The following TFEC variants were observed in gnomAD, a reference collection of about 807,000 sequenced individuals.
TFEC encodes class E basic helix-loop-helix protein 34.
Under a neutral mutation model 41.6 loss-of-function variants are expected in TFEC, and 31 were observed. The ratio of observed to expected loss-of-function variants is 0.74; its 90% CI spans 0.56 to 1.01. TFEC has a LOEUF of 1.01. Among genes scored for constraint, TFEC ranks in the 50% least tolerant of loss-of-function variants. The probability of loss-of-function intolerance (pLI) is 0.00; values close to 1 mark genes in which losing one functional copy is unlikely to be tolerated. For missense variants in TFEC, 402 were observed against 404.1 expected (o/e 0.99, Z 0.04); for synonymous variants, 143 against 140.6 (o/e 1.02, Z -0.12).
At chr7:116,023,571 G>T (rs1051255745) in intron 1 of TFEC, among the ~76,000 whole-genome samples, 1 of 152,090 alleles carries the variant, frequency 6.6e-6, no homozygotes, top group Non-Finnish European at 1.5e-5. Context: ...AAGAACTTAG[G>T]CTTCCCGCTA....
chr7:115,971,207 G>C (rs979237955), intron 3 of TFEC, among the ~76,000 whole-genome samples: 3 of 151,982 alleles, frequency 2.0e-5, no homozygotes, highest in Non-Finnish European at 1.5e-5. Flanking sequence ...CATTGGCTTA[G>C]AAATAGATAT....
intron 1 of TFEC, among the ~76,000 whole-genome samples, chr7:116,004,718 T>G (rs1266557845): frequency 2.0e-5 from 3 of 151,424 alleles, no homozygotes; most frequent in African/African-American, 4.9e-5. Context: ...AAAATTAGAA[T>G]CACACAAATT....
At chr7:115,995,250 T>C (rs1269351570) in intron 1 of TFEC, among the ~76,000 whole-genome samples, 1 of 151,118 alleles carries the variant, frequency 6.6e-6, no homozygotes, top group Non-Finnish European at 1.5e-5. Context: ...ATGTAAATGA[T>C]GAGTTAATGG....
At chr7:115,975,362 T>A (rs1169802646) in intron 2 of TFEC, among the ~76,000 whole-genome samples, 1 of 152,120 alleles carries the variant, frequency 6.6e-6, no homozygotes, top group Admixed American at 6.6e-5. Flanking sequence ...GAATTTCCCA[T>A]GATATATGCA....
chr7:116,047,099 G>A (rs1796183591), intron 3 of TFEC, among the ~76,000 whole-genome samples: 1 of 152,184 alleles, frequency 6.6e-6, no homozygotes, highest in South Asian at 2.1e-4. Flanking sequence ...CCCAGTGTGA[G>A]CGACGCAGAA....
At chr7:115,961,861 T>C (rs1011367208) in intron 3 of TFEC, among the ~76,000 whole-genome samples, 1 of 151,648 alleles carries the variant, frequency 6.6e-6, no homozygotes. Context: ...TGGAAAGGAA[T>C]AAATGAAATG....
intron 6 of TFEC, among the ~76,000 whole-genome samples, chr7:115,942,953 C>A (rs114334735): frequency 6.6e-6 from 1 of 151,880 alleles, no homozygotes; most frequent in African/African-American, 2.4e-5. Flanking sequence ...TTTAGAGTCA[C>A]GAGATGTTTT....
Position 115,938,946 on chromosome 7 carries a change from T to C in TFEC, c.*1605A>G, listed in dbSNP as rs1461866543. ...CTTTCTAATTAAAGTCCTATAAAGA[T>C]ACTTCCCCTATTATTCTCACTTTTA... On this transcript the variant is annotated 3_prime_UTR_variant, in exon 8 of 8. Coordinates refer to ENST00000265440, the MANE Select transcript of TFEC (RefSeq NM_012252.4). 2 of 151,990 alleles carry C rather than the reference T, an allele frequency of 1.3e-5. No homozygotes were observed. The highest frequency in any genetic ancestry group is 2.9e-5 in the Non-Finnish European group (2 of 67,938). 9.4% of individuals were successfully genotyped at this position (151,990 alleles called of 1,614,324 possible).
At chr7:116,052,966 G>A (rs142041932) in intron 3 of TFEC, among the ~76,000 whole-genome samples, 2,864 of 152,020 alleles carry the variant, frequency 0.019, 88 homozygotes, top group African/African-American at 0.065. Flanking sequence ...CAGCTACTCG[G>A]GAGGCTGAGG....
intron 1 of TFEC, among the ~76,000 whole-genome samples, chr7:115,998,484 A>T (rs531747751): frequency 1.3e-5 from 2 of 152,132 alleles, no homozygotes; most frequent in South Asian, 4.1e-4. Context: ...TATTAATAAT[A>T]ACATTGAATG....
chr7:115,964,808 T>G (rs750298947), intron 3 of TFEC, among the ~76,000 whole-genome samples: 11 of 151,608 alleles, frequency 7.3e-5, no homozygotes, highest in Non-Finnish European at 1.0e-4. Flanking sequence ...AAGTGCTATG[T>G]TTACAGTATC....
intron 1 of TFEC, among the ~76,000 whole-genome samples, chr7:116,006,236 T>C (rs1350679493): frequency 6.6e-6 from 1 of 152,112 alleles, no homozygotes; most frequent in Non-Finnish European, 1.5e-5. Context: ...AACCCCAGAA[T>C]GGTAGATCCA....
chr7:116,053,721 C>T (rs1237014419), intron 3 of TFEC, among the ~76,000 whole-genome samples: 1 of 152,200 alleles, frequency 6.6e-6, no homozygotes, highest in African/African-American at 2.4e-5. Flanking sequence ...CCTGTGCCAT[C>T]TCTGGACTCT....
intron 3 of TFEC, among the ~76,000 whole-genome samples, chr7:116,084,131 T>C (rs1049028840): frequency 6.6e-6 from 1 of 151,934 alleles, no homozygotes; most frequent in Admixed American, 6.6e-5. Context: ...GGGATTCTCC[T>C]ACTCTGACAC....
intron 4 of TFEC, among the ~76,000 whole-genome samples, chr7:115,956,422 T>C (rs1264309797): frequency 6.6e-6 from 1 of 151,890 alleles, no homozygotes; most frequent in Non-Finnish European, 1.5e-5. Flanking sequence ...TATGTGTGTA[T>C]ATACATGTAT....
At position 115,984,521 on chromosome 7, in the gene TFEC, A is replaced by G. The variant is rs890789913; in HGVS notation, c.-72-8T>C. The G allele has an allele frequency of 2.5e-6, 4 of 1,612,830 alleles. No individual in the cohort carries two copies. In the African/African-American group the frequency reaches 5.3e-5, roughly 22 times the overall value. On this transcript the variant is annotated splice_region_variant and splice_polypyrimidine_tract_variant and intron_variant, in intron 1 of 7. Transcript: ENST00000265440. ...TTCCAGGTGTGCTGGGACCTACAAG[A>G]TCAAAATTAAACAAATACAATGTGC...
At chr7:116,155,082 G>A (rs1490951566) in intron 1 of TFEC, among the ~76,000 whole-genome samples, 1 of 152,012 alleles carries the variant, frequency 6.6e-6, no homozygotes, top group Admixed American at 6.6e-5. Context: ...GCTTTCACCA[G>A]TTATGTAACC....
At chr7:115,981,937 G>A (rs1381510328) in intron 2 of TFEC, among the ~76,000 whole-genome samples, 1 of 152,202 alleles carries the variant, frequency 6.6e-6, no homozygotes, top group African/African-American at 2.4e-5. Flanking sequence ...GGATAAGTCT[G>A]AGCCAGGTGC....
At chr7:115,974,450 A>ATATAT (rs1491505885) in intron 2 of TFEC, among the ~76,000 whole-genome samples, 194 bp from the exon 3 acceptor site, 4 of 28,092 alleles carry the variant, frequency 1.4e-4, no homozygotes, top group Non-Finnish European at 2.0e-4. Context: ...ATATATATAT[A>ATATAT]AAAACACAGA....
Sources: gnomAD v4.1 joint callset for allele counts (sites outside exome capture counted in the v4.1 genomes callset) on GRCh38, gnomAD v4.1.1 for gene constraint, MANE v1.5 for transcripts, NCBI Gene and HGNC (gene_info 2026-07-23, HGNC 2026-07-21) for gene names.